The following STK32B variants were observed in gnomAD, a reference collection of about 807,000 sequenced individuals.
STK32B encodes serine/threonine kinase 32B.
In STK32B, 43 loss-of-function variants were observed where a neutral mutation model predicts 52.6. That is an observed-to-expected ratio of 0.82 (90% CI 0.64 to 1.05). The LOEUF (loss-of-function observed/expected upper bound fraction) is 1.05. STK32B is among the 50% of genes least tolerant of loss of function. STK32B has a pLI of 0.00. For synonymous variants in STK32B, 238 were observed against 204.3 expected (o/e 1.17, Z -1.41); for missense variants, 621 against 534.6 (o/e 1.16, Z -1.59).
At chr4:5,186,204 C>T (rs975388569) in intron 3 of STK32B, among the ~76,000 whole-genome samples, 9 of 152,114 alleles carry the variant, frequency 5.9e-5, no homozygotes, top group Non-Finnish European at 1.0e-4. Context: ...CAGCCCTCCT[C>T]GGGACACCAG....
chr4:5,062,981 TA>T (rs1577042967), intron 1 of STK32B, among the ~76,000 whole-genome samples: 2 of 152,240 alleles, frequency 1.3e-5, no homozygotes, highest in East Asian at 3.8e-4. Flanking sequence ...GTAACTCATT[TA>T]TTTTTTCTTC....
intron 3 of STK32B, among the ~76,000 whole-genome samples, chr4:5,238,480 CT>C (rs1724785128): frequency 6.6e-6 from 1 of 152,106 alleles, no homozygotes; most frequent in Admixed American, 6.6e-5. Flanking sequence ...TGCAAAGACT[CT>C]TTTTACATTT....
At chr4:5,266,856 T>A (rs1477059651) in intron 3 of STK32B, among the ~76,000 whole-genome samples, 1 of 152,174 alleles carries the variant, frequency 6.6e-6, no homozygotes, top group Non-Finnish European at 1.5e-5. Flanking sequence ...GGGAAATGCC[T>A]GGTCAACTCC....
chr4:5,338,814 T>A lies in STK32B; in HGVS notation c.434+7421T>A, dbSNP rs114219965. On this transcript the variant is annotated intron_variant, in intron 4 of 11. Coordinates refer to ENST00000282908, the MANE Select transcript of STK32B (RefSeq NM_018401.3). ...GGAGATATCCAGTAATTTATGGGAA[T>A]GTTTTAAAGTCTACTAGGCAAATGT... Among the ~76,000 whole-genome samples the A allele has an allele frequency of 3.2e-3, 484 of 152,354 alleles. 1 individual carries two copies. The highest frequency in any genetic ancestry group is 0.01 in the African/African-American group (431 of 41,604).
chr4:5,365,873 G>A (rs886266847), intron 4 of STK32B, among the ~76,000 whole-genome samples: 1 of 152,162 alleles, frequency 6.6e-6, no homozygotes, highest in Non-Finnish European at 1.5e-5. Flanking sequence ...CAATCAGGCC[G>A]AGGGCGTGGG....
intron 3 of STK32B, among the ~76,000 whole-genome samples, chr4:5,238,244 G>A (rs189204031): frequency 1.3e-5 from 2 of 152,238 alleles, no homozygotes; most frequent in East Asian, 3.9e-4. Flanking sequence ...CTGTGGGAGA[G>A]GCTCCTTCCT....
At chr4:5,125,276 C>T (rs376486277) in intron 1 of STK32B, among the ~76,000 whole-genome samples, 122 of 152,326 alleles carry the variant, frequency 8.0e-4, no homozygotes, top group African/African-American at 2.7e-3. Flanking sequence ...ACCTACAGAA[C>T]AGTGAGTTAG....
chr4:5,326,438 T>A (rs1253890358), intron 3 of STK32B, among the ~76,000 whole-genome samples: 3 of 152,138 alleles, frequency 2.0e-5, no homozygotes, highest in Non-Finnish European at 4.4e-5. Flanking sequence ...GATGGATCTT[T>A]CTTCTGACTA....
chr4:5,417,720 C>T (rs1471287296), intron 6 of STK32B, among the ~76,000 whole-genome samples: 5 of 152,082 alleles, frequency 3.3e-5, no homozygotes, highest in African/African-American at 4.8e-5. Flanking sequence ...TTCTGAATGT[C>T]TATATTGTTA....
the STK32B span, among the ~76,000 whole-genome samples, chr4:5,024,937 A>G: frequency 6.6e-6 from 1 of 152,220 alleles, no homozygotes; most frequent in East Asian, 1.9e-4. Context: ...GGCTTGGGAC[A>G]CAGCCAGAGC....
At chr4:5,063,691 T>C (rs1742303253) in intron 1 of STK32B, among the ~76,000 whole-genome samples, 1 of 152,240 alleles carries the variant, frequency 6.6e-6, no homozygotes, top group African/African-American at 2.4e-5. Context: ...ATTCACACTG[T>C]GTCTTTGAAA....
intron 2 of STK32B, among the ~76,000 whole-genome samples, chr4:5,162,696 AT>A (rs1172849711): frequency 6.6e-6 from 1 of 152,208 alleles, no homozygotes; most frequent in Non-Finnish European, 1.5e-5. Flanking sequence ...CTTTGGCCAG[AT>A]TGCTTGCTGT....
At chr4:5,115,100 A>T (rs999561941) in intron 1 of STK32B, among the ~76,000 whole-genome samples, 11 of 152,198 alleles carry the variant, frequency 7.2e-5, no homozygotes, top group Admixed American at 7.2e-4. Flanking sequence ...GTTGGAAGCT[A>T]AAGGATTTGG....
At chr4:5,328,572 G>A (rs2108950135) in intron 3 of STK32B, among the ~76,000 whole-genome samples, 1 of 152,310 alleles carries the variant, frequency 6.6e-6, no homozygotes, top group East Asian at 1.9e-4. Flanking sequence ...AGCTTTGGGT[G>A]CTATATGGAT....
chr4:5,490,384 G>A (rs563883525), intron 11 of STK32B, among the ~76,000 whole-genome samples: 131 of 152,138 alleles, frequency 8.6e-4, no homozygotes, highest in South Asian at 3.3e-3. Context: ...TGGGATTACA[G>A]GTTTGAGCCA....
chr4:5,402,811 G>C (rs1176163580), intron 5 of STK32B, among the ~76,000 whole-genome samples: 1 of 152,186 alleles, frequency 6.6e-6, no homozygotes, highest in Non-Finnish European at 1.5e-5. Context: ...GAGCAAGCAT[G>C]GGGCTGTGGG....
chr4:5,477,384 A>T (rs1197716064), intron 11 of STK32B, among the ~76,000 whole-genome samples: 1 of 152,012 alleles, frequency 6.6e-6, no homozygotes, highest in Non-Finnish European at 1.5e-5. Flanking sequence ...TGTCCTCTCA[A>T]ATGGCCTAAA....
chr4:5,107,258 C>A (rs1714158461), intron 1 of STK32B, among the ~76,000 whole-genome samples: 3 of 151,996 alleles, frequency 2.0e-5, no homozygotes, highest in African/African-American at 2.4e-5. Flanking sequence ...CAAAATGAGA[C>A]CATCTAGTTG....
At position 5,467,845 on chromosome 4, in the gene STK32B, C is replaced by T. The variant is rs1404447105; in HGVS notation, c.1042-161C>T. On this transcript the variant is annotated intron_variant, in intron 10 of 11. Coordinates refer to ENST00000282908, the MANE Select transcript of STK32B (RefSeq NM_018401.3). The surrounding 1 kb of genome is among the most constrained non-coding windows in gnomAD (Gnocchi z 5.8). ...CCAGGCTACCTTTGGACACAGCCAC[C>T]CATGCAGTCAGGGTCAGCCCCAGAC... 6.6e-6 allele frequency among the ~76,000 whole-genome samples: 1 copy of T among 152,154 alleles called. No homozygotes were observed. Among genetic ancestry groups the T allele is most frequent in the African/African-American group, 2.4e-5 (1 of 41,450 alleles).
Sources: gnomAD v4.1 joint callset for allele counts (sites outside exome capture counted in the v4.1 genomes callset) on GRCh38, gnomAD v4.1.1 for gene constraint, Gnocchi (gnomAD v3.1) non-coding constraint, MANE v1.5 for transcripts, NCBI Gene and HGNC (gene_info 2026-07-23, HGNC 2026-07-21) for gene names.